WWOX: variants seen among roughly 807,000 people sequenced by gnomAD.
WWOX encodes WW domain-containing oxidoreductase.
Under a neutral mutation model 46.2 loss-of-function variants are expected in WWOX, and 69 were observed. The ratio of observed to expected loss-of-function variants is 1.49; its 90% CI spans 1.23 to 1.82. The LOEUF is 1.82. WWOX is among the 40% of genes most tolerant of loss of function. The probability of loss-of-function intolerance (pLI) is 0.00; values close to 1 mark genes in which losing one functional copy is unlikely to be tolerated. For missense variants in WWOX, 919 were observed against 542.6 expected (o/e 1.69, Z -6.89); for synonymous variants, 359 against 202.6 (o/e 1.77, Z -6.56).
At chr16:79,190,908 A>G (rs1234348631) in intron 8 of WWOX, among the ~76,000 whole-genome samples, 1 of 152,206 alleles carries the variant, frequency 6.6e-6, no homozygotes, top group Non-Finnish European at 1.5e-5. Flanking sequence ...ACAGCTAATT[A>G]GTTGGTGTTA....
intron 8 of WWOX, among the ~76,000 whole-genome samples, chr16:79,118,056 C>T (rs1485879125): frequency 2.0e-5 from 3 of 152,244 alleles, no homozygotes; most frequent in South Asian, 2.1e-4. Flanking sequence ...CTGTTTGGCA[C>T]GAGATCTGGC....
chr16:78,249,724 T>C (rs1359294411), intron 5 of WWOX, among the ~76,000 whole-genome samples: 2 of 152,178 alleles, frequency 1.3e-5, no homozygotes, highest in African/African-American at 4.8e-5. Flanking sequence ...CGGACTTGAT[T>C]TTTTGTATTT....
chr16:78,164,386 C>A, intron 5 of WWOX, 97 bp downstream of exon 5: 2 of 1,065,832 alleles, frequency 1.9e-6, no homozygotes, highest in African/African-American at 1.6e-5. Flanking sequence ...GTTTATTGCT[C>A]TTGGAATCAT....
At chr16:78,816,226 A>G (rs2051326679) in intron 8 of WWOX, among the ~76,000 whole-genome samples, 1 of 152,210 alleles carries the variant, frequency 6.6e-6, no homozygotes, top group East Asian at 1.9e-4. Context: ...GACGCTGGAT[A>G]GGACCAGGAA....
chr16:79,106,582 A>ATTTTTTTT (rs752318131), intron 8 of WWOX: 24 of 79,524 alleles, frequency 3.0e-4, no homozygotes, highest in Non-Finnish European at 4.5e-4. Flanking sequence ...TCTTAAAATA[A>ATTTTTTTT]TTTTTTTTTT....
intron 8 of WWOX, among the ~76,000 whole-genome samples, chr16:78,971,879 A>C (rs1400503118): frequency 2.0e-5 from 3 of 152,180 alleles, no homozygotes; most frequent in African/African-American, 7.2e-5. Flanking sequence ...CAGTTTCCTC[A>C]TCAGCAGAAT....
chr16:78,776,701 T>C (rs1364688243), intron 8 of WWOX, among the ~76,000 whole-genome samples: 2 of 152,052 alleles, frequency 1.3e-5, no homozygotes, highest in Non-Finnish European at 2.9e-5. Flanking sequence ...CAATTCTGCA[T>C]GGTCGGGGAA....
chr16:78,791,970 G>GT (rs1009707900), intron 8 of WWOX, among the ~76,000 whole-genome samples: 20 of 152,018 alleles, frequency 1.3e-4, no homozygotes, highest in African/African-American at 4.3e-4. Flanking sequence ...ATTGTTTTTT[G>GT]TTTTTTTAAG....
intron 8 of WWOX, among the ~76,000 whole-genome samples, chr16:78,964,004 A>T (rs1597212734): frequency 6.6e-6 from 1 of 152,078 alleles, no homozygotes; most frequent in African/African-American, 2.4e-5. Flanking sequence ...AGTGCCTTTC[A>T]CCTCCACCAT....
intron 8 of WWOX, among the ~76,000 whole-genome samples, chr16:79,023,000 C>T (rs1363474120): frequency 1.3e-5 from 2 of 151,824 alleles, no homozygotes; most frequent in East Asian, 1.9e-4. Flanking sequence ...TAGAGTTTAG[C>T]GTGGTACTGT....
chr16:78,653,011 A>G (rs1446540735), intron 8 of WWOX, among the ~76,000 whole-genome samples: 1 of 152,208 alleles, frequency 6.6e-6, no homozygotes, highest in African/African-American at 2.4e-5. Context: ...AGAAACTTGG[A>G]CAGAGGAAAA....
At chr16:78,939,067 T>A (rs2045799670) in intron 8 of WWOX, among the ~76,000 whole-genome samples, 1 of 152,064 alleles carries the variant, frequency 6.6e-6, no homozygotes, top group Admixed American at 6.6e-5. Context: ...CTAAATGGAG[T>A]GGGTAGCCAC....
At chr16:78,609,513 C>T (rs2045846603) in intron 8 of WWOX, among the ~76,000 whole-genome samples, 1 of 151,706 alleles carries the variant, frequency 6.6e-6, no homozygotes, top group Admixed American at 6.6e-5. Flanking sequence ...TCACATGCCT[C>T]TGAGGTTTTT....
At chr16:79,157,940 G>A (rs1219915114) in intron 8 of WWOX, among the ~76,000 whole-genome samples, 1 of 152,208 alleles carries the variant, frequency 6.6e-6, no homozygotes, top group Non-Finnish European at 1.5e-5. Context: ...ATTAGAAAGG[G>A]TGGATGGTGG....
intron 8 of WWOX, among the ~76,000 whole-genome samples, chr16:78,471,605 C>A (rs924091987): frequency 1.3e-5 from 2 of 152,232 alleles, no homozygotes; most frequent in African/African-American, 4.8e-5. Context: ...TCTATTATTG[C>A]CCTTTTTCTT....
At chr16:78,783,248 T>G (rs957317196) in intron 8 of WWOX, among the ~76,000 whole-genome samples, 1 of 152,228 alleles carries the variant, frequency 6.6e-6, no homozygotes, top group African/African-American at 2.4e-5. Flanking sequence ...ATCAGACATT[T>G]AGATTTCAAC....
intron 8 of WWOX, among the ~76,000 whole-genome samples, chr16:78,945,842 T>G (rs145893818): frequency 6.6e-6 from 1 of 152,280 alleles, no homozygotes; most frequent in African/African-American, 2.4e-5. Context: ...TGGAGGGAAC[T>G]TCATCTCGTA....
intron 5 of WWOX, among the ~76,000 whole-genome samples, chr16:78,346,222 G>A (rs57599899): frequency 0.25 from 29,783 of 120,222 alleles, 9,909 homozygotes; most frequent in African/African-American, 0.44. Flanking sequence ...CATTGTCATT[G>A]GTGAGTAGTA....
chr16:78,670,544 G>C (rs1384099783), intron 8 of WWOX, among the ~76,000 whole-genome samples: 4 of 152,098 alleles, frequency 2.6e-5, no homozygotes, highest in Non-Finnish European at 4.4e-5. Flanking sequence ...ACAGGCTTCA[G>C]AGTCCAGCCA....
Sources: gnomAD v4.1 joint callset for allele counts (sites outside exome capture counted in the v4.1 genomes callset) on GRCh38, gnomAD v4.1.1 for gene constraint, MANE v1.5 for transcripts, NCBI Gene and HGNC (gene_info 2026-07-23, HGNC 2026-07-21) for gene names.